The following NEB variants were observed in gnomAD, a reference collection of about 807,000 sequenced individuals.
The protein encoded by NEB is nebulin.
A neutral mutation model predicts 952.2 loss-of-function variants in NEB; 512 were observed. The observed-to-expected ratio is 0.54, with a 90% confidence interval of 0.50 to 0.58. The LOEUF is 0.58. Ranked by LOEUF, NEB falls within the 20% of genes least tolerant of loss-of-function variation. NEB has a pLI of 0.00. For missense variants in NEB, 8,428 were observed against 9,231.1 expected, an observed-to-expected ratio of 0.91 and a Z score of 3.56; for synonymous variants, 2,900 against 3,149.8, an observed-to-expected ratio of 0.92 and a Z score of 2.66.
chr2:151,573,532 C>T (rs771784905), intron 107 of NEB, among the ~76,000 whole-genome samples: 43 of 152,184 alleles, frequency 2.8e-4, no homozygotes, highest in Non-Finnish European at 5.0e-4. Context: ...AATACATCAG[C>T]GCCCTAAAAT....
Position 151,619,556 on chromosome 2 carries a change from G to A in NEB, c.10767C>T (p.Thr3589=). 1 of 1,613,880 alleles carries A rather than the reference G, an allele frequency of 6.2e-7. No homozygotes were observed. Among genetic ancestry groups the A allele is most frequent in the Non-Finnish European group, 8.5e-7 (1 of 1,179,832 alleles). Residue 3589 remains threonine (T), a synonymous_variant, in exon 73 of 182, where the codon ACC becomes ACT. Transcript: ENST00000397345. Reference sequence around the variant, plus strand: ...GTTTATAGTCCACATCGCTGACCAAGGTCTGACACTTCTTGGCCAAAACGA... The same window carrying A: ...GTTTATAGTCCACATCGCTGACCAAAGTCTGACACTTCTTGGCCAAAACGA... ...LGIVLAKKCQ[T]LVSDVDYKHP...
intron 143 of NEB, among the ~76,000 whole-genome samples, chr2:151,532,632 A>G (rs1362591711): frequency 6.6e-6 from 1 of 151,998 alleles, no homozygotes; most frequent in African/African-American, 2.4e-5. Flanking sequence ...TATTTATAGG[A>G]GGAGAAATGA....
intron 124 of NEB, among the ~76,000 whole-genome samples, chr2:151,557,712 A>T (rs2095757793): frequency 6.6e-6 from 1 of 152,244 alleles, no homozygotes; most frequent in Non-Finnish European, 1.5e-5. Context: ...GCCTGGTTCA[A>T]CATATGCAAA....
chr2:151,672,804 C>A, intron 36 of NEB, 124 bp from the exon 37 acceptor site: 1 of 806,882 alleles, frequency 1.2e-6, no homozygotes, highest in Non-Finnish European at 1.9e-6. Context: ...AAAATGCAAA[C>A]CACAACCCCC....
chr2:151,674,720 G>A, intron 35 of NEB, 136 bp from the exon 36 acceptor site: 1 of 648,660 alleles, frequency 1.5e-6, no homozygotes, highest in Non-Finnish European at 2.7e-6. Flanking sequence ...CATTGGCAAA[G>A]TGTCACACTG....
At chr2:151,710,995 T>C (rs1007788926) in intron 10 of NEB, among the ~76,000 whole-genome samples, 2 of 152,192 alleles carry the variant, frequency 1.3e-5, no homozygotes, top group African/African-American at 4.8e-5. Context: ...GGCTAACGAA[T>C]AGATCTTCGC....
In NEB at chr2:151,640,442, G is replaced by C. The variant is rs1553966356; in HGVS notation, c.8598C>G (p.Asp2866Glu). The stretch of plus-strand genomic sequence containing the variant: ...TCCACTGGTGCAGGTAGTTCTTGTA[G>C]TCCACATCGCTGACTAAGGTCTGGC... ...KKCQTLVSDV[D>E]YKNYLHQWTC... is the part of the protein sequence containing the mutation. The change falls in exon 61 of 182, where the codon GAC becomes GAG. Residue 2866 changes from aspartate to glutamate, a missense_variant. Physicochemically the swap from Asp to Glu is conservative, Grantham distance 45. Around this residue, in one of 11 missense-constraint regions of NEB, gnomAD observed 1,772 missense variants for 1,960.3 expected, o/e 0.90. Transcript: ENST00000397345. 1 of 1,613,946 alleles carries C rather than the reference G, an allele frequency of 6.2e-7. No homozygotes were observed. The highest frequency in any genetic ancestry group is 1.1e-5 in the South Asian group (1 of 91,084).
chr2:151,527,427 G>T, intron 147 of NEB, 54 bp downstream of exon 147: 3 of 1,231,016 alleles, frequency 2.4e-6, no homozygotes, highest in Non-Finnish European at 3.5e-6. Flanking sequence ...ATTATTCATT[G>T]TATTTCTCAG....
chr2:151,513,726 C>T, intron 159 of NEB, 33 bp from the exon 160 acceptor site: 2 of 1,417,504 alleles, frequency 1.4e-6, no homozygotes, highest in South Asian at 1.2e-5. Context: ...AAAAAAGGTA[C>T]CTAAATGCTA....
At chr2:151,650,514 A>G in intron 53 of NEB, 60 bp downstream of exon 53, 4 of 1,488,520 alleles carry the variant, frequency 2.7e-6, no homozygotes, top group Non-Finnish European at 3.6e-6. Flanking sequence ...CTTTGACTAA[A>G]TAGCTACTCA....
intron 57 of NEB, 136 bp downstream of exon 57, chr2:151,643,682 G>T: frequency 7.2e-7 from 1 of 1,386,256 alleles, no homozygotes; most frequent in Non-Finnish European, 9.7e-7. Context: ...GGTGCCTCCA[G>T]ATGTCTGGGT....
rs1384095848 is a variant in NEB, at chr2:151,654,078, C to T, written c.6829G>A (p.Glu2277Lys). The change falls in exon 52 of 182, where the codon GAA becomes AAA. Residue 2277 changes from glutamate to lysine, a missense_variant. By Grantham distance (56) the Glu-to-Lys change is moderately conservative (BLOSUM62 1). Around this residue, in one of 11 missense-constraint regions of NEB, gnomAD observed 2,851 missense variants for 2,791.5 expected, o/e 1.02. Transcript: ENST00000397345. ...TCATAGCCTTTCTTCAAAGCTTCTT[C>T]CCATCCAAGTTTATAGAGTTTCTGA... ...YSQKLYKLGW[E>K]EALKKGYDLP... is the part of the protein sequence containing the mutation. 5.0e-6 allele frequency: 8 copies of T among 1,607,852 alleles called. No individual in the cohort carries two copies. The highest frequency in any genetic ancestry group is 2.2e-5 in the East Asian group (1 of 44,790).
chr2:151,701,747 C>A (rs2099671538), intron 13 of NEB, among the ~76,000 whole-genome samples: 2 of 150,578 alleles, frequency 1.3e-5, no homozygotes, highest in African/African-American at 4.9e-5. Flanking sequence ...CTATTTGATT[C>A]TTCTCTCTTT....
At chr2:151,488,780 A>C (rs1418680523) in intron 181 of NEB, among the ~76,000 whole-genome samples, 1 of 152,212 alleles carries the variant, frequency 6.6e-6, no homozygotes, top group African/African-American at 2.4e-5. Flanking sequence ...TAAATAGATA[A>C]CTGGTTACCT....
At position 151,574,722 on chromosome 2, in the gene NEB, T is replaced by TTTTATTTA. The variant is rs10529317; in HGVS notation, c.17013+965_17013+972dup. 7.0e-3 allele frequency among the ~76,000 whole-genome samples: 1,037 copies of TTTTATTTA among 147,800 alleles called. 12 individuals carry two copies. Among genetic ancestry groups the TTTTATTTA allele is most frequent in the African/African-American group, 0.021 (828 of 40,294 alleles). On this transcript the variant is annotated intron_variant, in intron 107 of 181. Transcript: ENST00000397345. ...CCCCATTATTGGTCTACAGTTTAAA[T>TTTTATTTA]TTTATTTATTTATTTATTTATTTAT...
chr2:151,704,545 C>T (rs1187614772), intron 13 of NEB, among the ~76,000 whole-genome samples: 42 of 152,126 alleles, frequency 2.8e-4, no homozygotes, highest in Non-Finnish European at 5.6e-4. Context: ...GAGCCAGGTG[C>T]AGGATATAAT....
At chr2:151,527,693 T>C in intron 146 of NEB, 108 bp from the exon 147 acceptor site, 1 of 750,426 alleles carries the variant, frequency 1.3e-6, no homozygotes, top group East Asian at 2.8e-5. Context: ...CAAATCATGA[T>C]TCCTAATGCA....
At position 151,665,354 on chromosome 2, in the gene NEB, A is replaced by G. The variant is rs1159799605; in HGVS notation, c.5217T>C (p.Ser1739=). The change falls in exon 42 of 182, where the codon AGT becomes AGC. Residue 1739 remains serine, a synonymous_variant. Transcript: ENST00000397345. Reference sequence around the variant, plus strand: ...TTACCTTGTCCATGTTCAGTTTGTTACTCTTGTTAAGTGCCTGTTCCATTG... The same window carrying G: ...TTACCTTGTCCATGTTCAGTTTGTTGCTCTTGTTAAGTGCCTGTTCCATTG... ...MDTMEQALNK[S]NKLNMDKRLY... The G allele has an allele frequency of 6.2e-7, 1 of 1,612,700 alleles. No homozygotes were observed. Among genetic ancestry groups the G allele is most frequent in the Admixed American group, 1.7e-5 (1 of 59,856 alleles).
At chr2:151,561,446 A>G (rs1210887651) in intron 121 of NEB, 134 bp from the exon 122 acceptor site, 1 of 653,066 alleles carries the variant, frequency 1.5e-6, no homozygotes, top group African/African-American at 1.8e-5. Flanking sequence ...CTGTCATTCT[A>G]GAGTCCTGCA....
Sources: gnomAD v4.1 joint callset for allele counts (sites outside exome capture counted in the v4.1 genomes callset) on GRCh38, gnomAD v4.1.1 for gene constraint, gnomAD v4.1.1 regional missense constraint, MANE v1.5 for transcripts, NCBI Gene and HGNC (gene_info 2026-07-23, HGNC 2026-07-21) for gene names.